The following PNLIPRP1 variants were observed in gnomAD, a reference collection of about 807,000 sequenced individuals.
The protein encoded by PNLIPRP1 is inactive pancreatic lipase-related protein 1.
In PNLIPRP1, 57 loss-of-function variants were observed where a neutral mutation model predicts 54.6. That is an observed-to-expected ratio of 1.04 (90% CI 0.84 to 1.30). The LOEUF (loss-of-function observed/expected upper bound fraction) is 1.30, where lower values mean the gene tolerates loss of function less well. Ranked by LOEUF, PNLIPRP1 falls within the 50% of genes most tolerant of loss-of-function variation. The pLI is 0.00. For missense variants in PNLIPRP1, 567 were observed against 568.5 expected (o/e 1.00, Z 0.03); for synonymous variants, 232 against 208.8 (o/e 1.11, Z -0.96).
rs1847628561 is a variant in PNLIPRP1, at chr10:116,591,155, T to C, written c.26T>C (p.Leu9Pro). 1.2e-6 allele frequency: 2 copies of C among 1,613,286 alleles called. No homozygotes were observed. The highest frequency in any genetic ancestry group is 2.7e-5 in the African/African-American group (2 of 74,936). ...ATGCTGATCTTCTGGACAATCACAC[T>C]TTTCCTGCTGGGAGCAGCCAAAGGT... MLIFWTIT[L>P]FLLGAAKGKE... Residue 9 changes from leucine (L) to proline (P), a missense_variant, in exon 2 of 13, where the codon CTT (leucine) becomes CCT (proline). By Grantham distance (98) the Leu-to-Pro change is moderately conservative. Transcript: ENST00000358834.
At chr10:116,592,661 C>A (rs1554863408) in intron 4 of PNLIPRP1, 120 bp downstream of exon 4, 2 of 1,204,664 alleles carry the variant, frequency 1.7e-6, no homozygotes, top group East Asian at 2.4e-5. Flanking sequence ...AATTAAAATG[C>A]TTCTCTTCAC....
intron 9 of PNLIPRP1, 100 bp from the exon 10 acceptor site, chr10:116,600,971 GA>G: frequency 9.4e-7 from 1 of 1,069,136 alleles, no homozygotes; most frequent in African/African-American, 1.6e-5. Flanking sequence ...TCACAAAGGA[GA>G]ACGCTTAGGC....
chr10:116,606,605 G>A (rs1847940840), intron 12 of PNLIPRP1, among the ~76,000 whole-genome samples: 2 of 152,206 alleles, frequency 1.3e-5, no homozygotes, highest in African/African-American at 4.8e-5. Context: ...TTAAAAACAT[G>A]TCAGGTGGTG....
intron 9 of PNLIPRP1, 99 bp downstream of exon 9, chr10:116,600,264 T>G (rs1426580457): frequency 1.3e-6 from 1 of 795,032 alleles, no homozygotes; most frequent in Non-Finnish European, 2.2e-6. Context: ...CTACACGTTT[T>G]GCATTGACCC....
chr10:116,599,410 G>T (rs1302736406), intron 8 of PNLIPRP1, among the ~76,000 whole-genome samples: 1 of 152,154 alleles, frequency 6.6e-6, no homozygotes, highest in African/African-American at 2.4e-5. Flanking sequence ...CTCAGGCCAG[G>T]TCTAGAAGGT....
chr10:116,600,839 G>C (rs868965183), intron 9 of PNLIPRP1, among the ~76,000 whole-genome samples: 1 of 152,110 alleles, frequency 6.6e-6, no homozygotes, highest in African/African-American at 2.4e-5. Flanking sequence ...ATCTAACCTG[G>C]GTCCTGGGCA....
intron 12 of PNLIPRP1, among the ~76,000 whole-genome samples, chr10:116,606,498 C>T (rs985455395): frequency 6.6e-6 from 1 of 152,152 alleles, no homozygotes; most frequent in Non-Finnish European, 1.5e-5. Context: ...CAAATCCTTT[C>T]CTCCCTGACC....
intron 12 of PNLIPRP1, among the ~76,000 whole-genome samples, chr10:116,606,912 A>G (rs889055732): frequency 2.0e-5 from 3 of 152,158 alleles, no homozygotes; most frequent in African/African-American, 7.2e-5. Context: ...TTCTAAACAG[A>G]GGAAAGTCAA....
intron 6 of PNLIPRP1, among the ~76,000 whole-genome samples, chr10:116,597,023 T>C (rs1345245815): frequency 6.6e-6 from 1 of 152,108 alleles, no homozygotes; most frequent in African/African-American, 2.4e-5. Context: ...GCCACACAAC[T>C]CATCAGTGGG....
In PNLIPRP1 at chr10:116,600,131, C is replaced by T; in HGVS notation, c.899C>T (p.Ala300Val). Residue 300 changes from alanine (A) to valine (V), a missense_variant, in exon 9 of 13, where the codon GCA becomes GTA. By Grantham distance (64) the Ala-to-Val change is moderately conservative. Coordinates refer to ENST00000358834, the MANE Select transcript of PNLIPRP1 (RefSeq NM_006229.4). ...ATCCTCAATCCCGATGGGTTTGCTG[C>T]ATATCCCTGCACTTCCTACAAGTCC... ...ESILNPDGFAAYPCTSYKSFE... is the reference protein window; with the variant it reads ...ESILNPDGFAVYPCTSYKSFE... 6.2e-7 allele frequency: 1 copy of T among 1,612,618 alleles called. No individual in the cohort carries two copies. The highest frequency in any genetic ancestry group is 8.5e-7 in the Non-Finnish European group (1 of 1,178,642).
chr10:116,601,239 GTA>G, intron 10 of PNLIPRP1, 38 bp downstream of exon 10: 4 of 1,574,268 alleles, frequency 2.5e-6, no homozygotes, highest in Non-Finnish European at 3.5e-6. Flanking sequence ...TGTAAAGAAA[GTA>G]TATAGTTTCT....
chr10:116,602,564 T>C (rs1847865385), intron 10 of PNLIPRP1, among the ~76,000 whole-genome samples: 2 of 152,308 alleles, frequency 1.3e-5, no homozygotes, highest in Middle Eastern at 6.8e-3. Context: ...GGCAAGCAAC[T>C]ACAAGCGTGT....
chr10:116,591,279 G>C (rs1335088535), intron 2 of PNLIPRP1, 101 bp downstream of exon 2: 1 of 855,370 alleles, frequency 1.2e-6, no homozygotes, highest in African/African-American at 1.7e-5. Context: ...AGCAGCTCCA[G>C]GGTACCAGAG....
Position 116,601,244 on chromosome 10 carries a change from T to C in PNLIPRP1, c.1063+43T>C, listed in dbSNP as rs143473452. The C allele has an allele frequency of 1.2e-3, 1,948 of 1,562,748 alleles. 15 individuals are homozygous for C. The African/African-American group carries it at 0.024, about 19-fold the overall frequency. Reference sequence around the variant, plus strand: ...TACCTGCCCATGTAAAGAAAGTATATAGTTTCTGTTACAAATGAGGGGCTT... The same window carrying C: ...TACCTGCCCATGTAAAGAAAGTATACAGTTTCTGTTACAAATGAGGGGCTT... On this transcript the variant is annotated intron_variant, in intron 10 of 12. Coordinates refer to ENST00000358834, the MANE Select transcript of PNLIPRP1 (RefSeq NM_006229.4).
intron 12 of PNLIPRP1, among the ~76,000 whole-genome samples, chr10:116,606,013 G>A (rs932741180): frequency 1.3e-5 from 2 of 152,176 alleles, no homozygotes; most frequent in African/African-American, 4.8e-5. Context: ...CCTGACCTGT[G>A]GTCTCCCTGG....
intron 10 of PNLIPRP1, among the ~76,000 whole-genome samples, chr10:116,602,823 A>G (rs1415091443): frequency 2.6e-5 from 4 of 152,192 alleles, no homozygotes; most frequent in Admixed American, 2.6e-4. Flanking sequence ...CTGTATGTTT[A>G]TGTATATGTA....
At chr10:116,598,283 C>CAGAAGAGGGAATTGTA in intron 8 of PNLIPRP1, 117 bp downstream of exon 8, 1 of 999,490 alleles carries the variant, frequency 1.0e-6, no homozygotes, top group Non-Finnish European at 1.4e-6. Context: ...ATACAATTCC[C>CAGAAGAGGGAATTGTA]TCTTCTGGGG....
At position 116,592,435 on chromosome 10, in the gene PNLIPRP1, C is replaced by T; in HGVS notation, c.224C>T (p.Pro75Leu). ...TCACAGATTCTCCTCCTCTCTGATC[C>T]ATCAACAATTGAGGCATCAAATTTT... Reference protein sequence around the residue: ...NNFQILLLSDPSTIEASNFQM... With the variant: ...NNFQILLLSDLSTIEASNFQM... The change falls in exon 4 of 13, where the codon CCA (proline) becomes CTA (leucine). Residue 75 changes from proline to leucine, a missense_variant. Physicochemically the swap from Pro to Leu is moderately conservative, Grantham distance 98. Transcript: ENST00000358834. 1.2e-6 allele frequency: 2 copies of T among 1,610,312 alleles called. No individual in the cohort carries two copies. Among genetic ancestry groups the T allele is most frequent in the Non-Finnish European group, 1.7e-6 (2 of 1,177,230 alleles).
intron 8 of PNLIPRP1, 38 bp downstream of exon 8, chr10:116,598,204 C>G: frequency 1.3e-6 from 2 of 1,588,922 alleles, no homozygotes; most frequent in Non-Finnish European, 1.7e-6. Flanking sequence ...AGGGCGGGTA[C>G]TTTCCTGGAG....
Sources: gnomAD v4.1 joint callset for allele counts (sites outside exome capture counted in the v4.1 genomes callset) on GRCh38, gnomAD v4.1.1 for gene constraint, MANE v1.5 for transcripts, NCBI Gene and HGNC (gene_info 2026-07-23, HGNC 2026-07-21) for gene names.